HGSNAT: variants seen among roughly 807,000 people sequenced by gnomAD.
HGSNAT encodes the protein heparan-alpha-glucosaminide N-acetyltransferase.
A neutral mutation model predicts 85.2 loss-of-function variants in HGSNAT; 59 were observed. The ratio of observed to expected loss-of-function variants is 0.69; its 90% CI spans 0.56 to 0.86. The LOEUF (loss-of-function observed/expected upper bound fraction) is 0.86, where lower values mean the gene tolerates loss of function less well. Among genes scored for constraint, HGSNAT ranks in the 40% least tolerant of loss-of-function variants. HGSNAT has a pLI of 0.00. For synonymous variants in HGSNAT, 321 were observed against 304.5 expected (o/e 1.05, Z -0.56); for missense variants, 756 against 777.1 (o/e 0.97, Z 0.32).
At chr8:43,159,316 G>C (rs1563361866) in intron 4 of HGSNAT, among the ~76,000 whole-genome samples, 1 of 152,106 alleles carries the variant, frequency 6.6e-6, no homozygotes, top group African/African-American at 2.4e-5. Context: ...GGCCTGGCAT[G>C]GTGGCTCATG....
Position 43,157,909 on chromosome 8 carries a change from T to G in HGSNAT, c.235-666T>G, listed in dbSNP as rs576588629. Among the ~76,000 whole-genome samples the G allele has an allele frequency of 6.2e-4, 95 of 152,290 alleles. 1 individual carries two copies. Among genetic ancestry groups the G allele is most frequent in the African/African-American group, 2.2e-3 (92 of 41,558 alleles). ...GAAACCAGCCTAAATACTCAAAGTATTTGATGGACTGACTAGAATACATAT... is the reference window on the plus strand; with the variant it reads ...GAAACCAGCCTAAATACTCAAAGTAGTTGATGGACTGACTAGAATACATAT... On this transcript the variant is annotated intron_variant, in intron 2 of 17. Transcript: ENST00000379644.
intron 12 of HGSNAT, 131 bp from the exon 13 acceptor site, chr8:43,192,173 C>T: frequency 1.0e-6 from 1 of 974,554 alleles, no homozygotes. Context: ...GGTGATCTGC[C>T]CGCCTTGGCC....
intron 10 of HGSNAT, among the ~76,000 whole-genome samples, chr8:43,179,254 A>T (rs1372934320): frequency 2.6e-4 from 36 of 137,448 alleles, no homozygotes; most frequent in South Asian, 2.3e-4. Context: ...CCCCCCCACC[A>T]CCCTCCCGGA....
rs59416007 is a variant in HGSNAT, at chr8:43,198,280, CTTTTTTTTTTT to C, written c.1726+343_1726+353del. On this transcript the variant is annotated intron_variant, in intron 17 of 17. Transcript: ENST00000379644. ...AGGGCACATTATCCAGTTTCTGGTT[CTTTTTTTTTTT>C]TTTTTTTTTTTTTTGAGACAGAGTC... 5.2e-3 allele frequency among the ~76,000 whole-genome samples: 473 copies of C among 90,362 alleles called. 3 individuals carry two copies. Among genetic ancestry groups the C allele is most frequent in the African/African-American group, 0.019 (432 of 22,416 alleles). 59.3% of individuals were successfully genotyped at this position (90,362 alleles called of 152,430 possible).
chr8:43,182,405 C>T (rs181859359), intron 11 of HGSNAT, 145 bp downstream of exon 11: 222 of 741,054 alleles, frequency 3.0e-4, no homozygotes, highest in Admixed American at 2.2e-3. Context: ...CCCAAAGCGC[C>T]GGGATTACAG....
intron 12 of HGSNAT, 102 bp from the exon 13 acceptor site, chr8:43,192,202 A>G (rs1170814809): frequency 3.8e-6 from 5 of 1,326,770 alleles, no homozygotes; most frequent in Non-Finnish European, 5.1e-6. Context: ...TGTTGGGATT[A>G]CAGGCGTGAG....
chr8:43,191,635 G>A (rs759507257), intron 12 of HGSNAT, 40 bp downstream of exon 12: 1 of 1,596,224 alleles, frequency 6.3e-7, no homozygotes, highest in South Asian at 1.1e-5. Context: ...TGCATGTCCT[G>A]TTCTGCCCAG....
intron 4 of HGSNAT, among the ~76,000 whole-genome samples, chr8:43,161,215 A>T (rs1428679456): frequency 6.6e-6 from 1 of 152,136 alleles, no homozygotes; most frequent in African/African-American, 2.4e-5. Context: ...TGGGTGATGG[A>T]TTATATATAG....
intron 15 of HGSNAT, 110 bp from the exon 16 acceptor site, chr8:43,197,562 G>C: frequency 1.3e-6 from 1 of 785,376 alleles, no homozygotes; most frequent in South Asian, 1.6e-5. Flanking sequence ...TAAGGCACAA[G>C]TTTCAGCCCT....
At chr8:43,197,049 A>G (rs1431760165) in intron 15 of HGSNAT, 24 bp downstream of exon 15, 1 of 1,509,892 alleles carries the variant, frequency 6.6e-7, no homozygotes, top group Non-Finnish European at 9.2e-7. Context: ...ATTCCTCGCT[A>G]AAATTCCTTT....
At chr8:43,193,443 A>G (rs147401912) in intron 13 of HGSNAT, among the ~76,000 whole-genome samples, 2 of 152,328 alleles carry the variant, frequency 1.3e-5, no homozygotes, top group Non-Finnish European at 2.9e-5. Context: ...ATTGCATTTG[A>G]AGCTGGTCAG....
chr8:43,165,037 C>T (rs1803389306), intron 5 of HGSNAT, among the ~76,000 whole-genome samples: 1 of 143,372 alleles, frequency 7.0e-6, no homozygotes, highest in South Asian at 2.3e-4. Flanking sequence ...CATGTGCCAC[C>T]ATGATAATTT....
chr8:43,191,749 G>A (rs1183454226), intron 12 of HGSNAT, among the ~76,000 whole-genome samples, 154 bp downstream of exon 12: 1 of 152,154 alleles, frequency 6.6e-6, no homozygotes, highest in Non-Finnish European at 1.5e-5. Flanking sequence ...ATTGGCACGT[G>A]TCCAGAGTGA....
At chr8:43,154,854 T>C (rs1411454003) in intron 2 of HGSNAT, among the ~76,000 whole-genome samples, 1 of 152,178 alleles carries the variant, frequency 6.6e-6, no homozygotes, top group African/African-American at 2.4e-5. Flanking sequence ...CCAGCACCTG[T>C]TGTTTCCTGA....
intron 11 of HGSNAT, among the ~76,000 whole-genome samples, chr8:43,187,887 C>T (rs1333761424): frequency 6.6e-6 from 1 of 152,128 alleles, no homozygotes; most frequent in Non-Finnish European, 1.5e-5. Context: ...TATTTTATTT[C>T]TCTTTCACTT....
At chr8:43,167,322 A>G (rs1421451409) in intron 5 of HGSNAT, among the ~76,000 whole-genome samples, 1 of 152,216 alleles carries the variant, frequency 6.6e-6, no homozygotes, top group Admixed American at 6.5e-5. Flanking sequence ...AAATCTTGTG[A>G]AAGGAAAAGT....
At chr8:43,188,462 G>A (rs1273772054) in intron 11 of HGSNAT, among the ~76,000 whole-genome samples, 2 of 152,074 alleles carry the variant, frequency 1.3e-5, no homozygotes, top group Non-Finnish European at 1.5e-5. Context: ...CATGCATCAC[G>A]TAGTTCTTGT....
intron 1 of HGSNAT, among the ~76,000 whole-genome samples, chr8:43,141,004 C>A (rs1393204776): frequency 1.3e-5 from 2 of 152,232 alleles, no homozygotes; most frequent in Non-Finnish European, 2.9e-5. Flanking sequence ...CTCGGACTCC[C>A]CCTGCACCCA....
At chr8:43,170,903 T>G (rs1447005158) in intron 7 of HGSNAT, among the ~76,000 whole-genome samples, 1 of 152,230 alleles carries the variant, frequency 6.6e-6, no homozygotes, top group African/African-American at 2.4e-5. Flanking sequence ...AGAGGAGTAG[T>G]GGATGAGGCC....
Sources: allele counts gnomAD v4.1 joint callset (sites outside exome capture counted in the v4.1 genomes callset), GRCh38; gene constraint gnomAD v4.1.1; transcripts MANE v1.5; gene names NCBI Gene and HGNC (gene_info 2026-07-23, HGNC 2026-07-21).